Variants in SNTG1 observed in about 807,000 individuals in gnomAD.
SNTG1 encodes gamma-1-syntrophin.
A neutral mutation model predicts 74.7 loss-of-function variants in SNTG1; 39 were observed. That is an observed-to-expected ratio of 0.52 (90% CI 0.40 to 0.68). The LOEUF (loss-of-function observed/expected upper bound fraction) is 0.68. SNTG1 is among the 30% of genes least tolerant of loss of function. The pLI is 0.00. For synonymous variants in SNTG1, 254 were observed against 217.1 expected, an observed-to-expected ratio of 1.17 and a Z score of -1.49; for missense variants, 685 against 609.5, an observed-to-expected ratio of 1.12 and a Z score of -1.30.
At chr8:50,632,386 C>T (rs2095006715) in intron 13 of SNTG1, among the ~76,000 whole-genome samples, 2 of 151,802 alleles carry the variant, frequency 1.3e-5, no homozygotes, top group Admixed American at 1.3e-4. Flanking sequence ...TCTCGGCTCA[C>T]TGCAACCTCT....
chr8:50,025,908 T>C (rs911092298), intron 1 of SNTG1, among the ~76,000 whole-genome samples: 1 of 152,184 alleles, frequency 6.6e-6, no homozygotes, highest in Non-Finnish European at 1.5e-5. Flanking sequence ...GATAAAATGC[T>C]AGACTATGGT....
rs551761473 is a variant in SNTG1 at position 50,609,597 on chromosome 8, ATTTCTTTGAATAATAATGT to A, written c.849+18682_849+18700del. On this transcript the variant is annotated intron_variant, in intron 13 of 18. Coordinates refer to ENST00000642720, the MANE Select transcript of SNTG1 (RefSeq NM_018967.5). ...CCTTGAGTTTTTAAAGTTGTCAATT[ATTTCTTTGAATAATAATGT>A]TATTCTCCCTCTTCTCTCTCCTTTC... Among the ~76,000 whole-genome samples, 821 of 152,102 alleles carry A rather than the reference ATTTCTTTGAATAATAATGT, an allele frequency of 5.4e-3. 8 individuals carry two copies. The highest frequency in any genetic ancestry group is 0.018 in the African/African-American group (768 of 41,546).
intron 2 of SNTG1, among the ~76,000 whole-genome samples, chr8:50,268,930 G>T (rs2087627074): frequency 6.6e-6 from 1 of 151,990 alleles, no homozygotes; most frequent in Admixed American, 6.6e-5. Flanking sequence ...AAGTGCTGAG[G>T]TTACAGGTGT....
intron 1 of SNTG1, among the ~76,000 whole-genome samples, chr8:49,980,220 A>C (rs1812549401): frequency 3.3e-5 from 5 of 152,090 alleles, no homozygotes; most frequent in African/African-American, 1.2e-4. Flanking sequence ...TTCTTTCTCT[A>C]TGAATTACAT....
At chr8:50,649,865 A>G (rs2095133988) in intron 13 of SNTG1, among the ~76,000 whole-genome samples, 1 of 151,908 alleles carries the variant, frequency 6.6e-6, no homozygotes, top group South Asian at 2.1e-4. Flanking sequence ...TATATTTGGC[A>G]ACATTGAGAA....
chr8:50,398,238 A>G (rs1461474038), intron 3 of SNTG1, among the ~76,000 whole-genome samples: 1 of 152,198 alleles, frequency 6.6e-6, no homozygotes, highest in Non-Finnish European at 1.5e-5. Context: ...CAGTGAACAT[A>G]TTATCTCCTT....
At chr8:50,318,959 G>A (rs886823694) in intron 2 of SNTG1, among the ~76,000 whole-genome samples, 6 of 150,824 alleles carry the variant, frequency 4.0e-5, no homozygotes, top group Admixed American at 6.6e-5. Flanking sequence ...ATATATCTAC[G>A]TATGTATATT....
chr8:50,763,002 C>A (rs1403767523), intron 18 of SNTG1, among the ~76,000 whole-genome samples: 1 of 151,884 alleles, frequency 6.6e-6, no homozygotes, highest in Non-Finnish European at 1.5e-5. Context: ...TAACTATGCT[C>A]CCCTAGAGTT....
intron 2 of SNTG1, among the ~76,000 whole-genome samples, chr8:50,341,029 AAG>A (rs2091300920): frequency 1.3e-5 from 2 of 151,956 alleles, no homozygotes; most frequent in South Asian, 4.1e-4. Context: ...AATGAAAACA[AAG>A]AGGTTAAGAT....
intron 15 of SNTG1, among the ~76,000 whole-genome samples, chr8:50,689,322 T>C (rs2095367147): frequency 1.3e-5 from 2 of 152,214 alleles, no homozygotes; most frequent in African/African-American, 4.8e-5. Context: ...CATCCCTCTC[T>C]TGTCCCCATT....
chr8:50,548,723 A>C (rs973176968), intron 11 of SNTG1, among the ~76,000 whole-genome samples: 3 of 152,326 alleles, frequency 2.0e-5, no homozygotes, highest in Middle Eastern at 3.4e-3. Context: ...GGGGCACTAA[A>C]GTGGAAGAGA....
chr8:50,046,208 C>T (rs1030606379), intron 1 of SNTG1, among the ~76,000 whole-genome samples: 4 of 152,130 alleles, frequency 2.6e-5, no homozygotes, highest in Non-Finnish European at 4.4e-5. Flanking sequence ...TAGCTACAGG[C>T]CATAAGTAAT....
In SNTG1 at chr8:50,256,036, CA is replaced by C. The variant is rs1454307092; in HGVS notation, c.-28+83406del. 2.6e-5 allele frequency among the ~76,000 whole-genome samples: 4 copies of C among 152,280 alleles called. No individual in the cohort carries two copies. The South Asian group carries it at 6.2e-4, about 24-fold the overall frequency. ...TATCCTCAAATACTTGTCTATTCAC[CA>C]AAAACAAAGCATGTTGTCTGCTTTC... is the stretch of plus-strand genomic sequence containing the variant. On this transcript the variant is annotated intron_variant, in intron 2 of 18. Coordinates refer to ENST00000642720, the MANE Select transcript of SNTG1 (RefSeq NM_018967.5).
At chr8:50,789,664 T>C (rs2095685725) in intron 18 of SNTG1, among the ~76,000 whole-genome samples, 2 of 152,018 alleles carry the variant, frequency 1.3e-5, no homozygotes, top group South Asian at 4.1e-4. Context: ...GTTATTGAAA[T>C]CTACTTTCAA....
chr8:50,773,654 T>G (rs2095632900), intron 18 of SNTG1, among the ~76,000 whole-genome samples: 1 of 152,120 alleles, frequency 6.6e-6, no homozygotes, highest in South Asian at 2.1e-4. Flanking sequence ...AATGAGAATC[T>G]GATGTCCAAG....
chr8:50,413,023 C>T (rs1160058933), intron 4 of SNTG1, among the ~76,000 whole-genome samples: 1 of 152,158 alleles, frequency 6.6e-6, no homozygotes, highest in Non-Finnish European at 1.5e-5. Flanking sequence ...AGACTGATAT[C>T]AAGATGGAAA....
chr8:50,199,174 C>G (rs532701570), intron 2 of SNTG1, among the ~76,000 whole-genome samples: 1 of 149,408 alleles, frequency 6.7e-6, no homozygotes, highest in Non-Finnish European at 1.5e-5. Context: ...TGTGATTAGA[C>G]AAAACTGTTG....
rs569738368 is a variant in SNTG1, at chr8:50,591,031, A to G, written c.849+114A>G. ...GAAATAATTGGTACTGTCATTTACT[A>G]TCTTCAGTGAGAAACATACATTTCA... On this transcript the variant is annotated intron_variant, in intron 13 of 18. Coordinates refer to ENST00000642720, the MANE Select transcript of SNTG1 (RefSeq NM_018967.5). 3 of 607,566 alleles carry G rather than the reference A, an allele frequency of 4.9e-6. No individual in the cohort carries two copies. In the South Asian group the frequency reaches 9.6e-5, roughly 19 times the overall value. 37.6% of individuals were successfully genotyped at this position (607,566 alleles called of 1,614,324 possible).
At chr8:49,965,192 G>A (rs1811033952) in intron 1 of SNTG1, among the ~76,000 whole-genome samples, 4 of 151,538 alleles carry the variant, frequency 2.6e-5, no homozygotes, top group African/African-American at 9.7e-5. Context: ...CTATGAGGGT[G>A]ATAAAAGTCA....
Sources: gnomAD v4.1 joint callset for allele counts (sites outside exome capture counted in the v4.1 genomes callset) on GRCh38, gnomAD v4.1.1 for gene constraint, MANE v1.5 for transcripts, NCBI Gene and HGNC (gene_info 2026-07-23, HGNC 2026-07-21) for gene names.